Variants in PCDH7 observed in about 807,000 individuals in gnomAD.
The protein encoded by PCDH7 is protocadherin 7.
In PCDH7, 17 loss-of-function variants were observed where a neutral mutation model predicts 58.9. The observed-to-expected ratio is 0.29, with a 90% CI of 0.20 to 0.43. The LOEUF is 0.43. Ranked by LOEUF, PCDH7 falls within the 20% of genes least tolerant of loss-of-function variation. The probability of loss-of-function intolerance (pLI) is 1.00; values close to 1 mark genes in which losing one functional copy is unlikely to be tolerated. For synonymous variants in PCDH7, 664 were observed against 616.4 expected, an observed-to-expected ratio of 1.08 and a Z score of -1.14; for missense variants, 1,274 against 1,441.0, an observed-to-expected ratio of 0.88 and a Z score of 1.88.
At chr4:31,044,961 G>A (rs1026678125) in intron 3 of PCDH7, among the ~76,000 whole-genome samples, 1 of 151,944 alleles carries the variant, frequency 6.6e-6, no homozygotes, top group Non-Finnish European at 1.5e-5. Context: ...AAGCTATCAA[G>A]TTTTGGAGAG....
chr4:31,034,750 C>A (rs1225546835), intron 3 of PCDH7, among the ~76,000 whole-genome samples: 1 of 152,132 alleles, frequency 6.6e-6, no homozygotes, highest in African/African-American at 2.4e-5. Context: ...ACCCAGAGGG[C>A]AGGGAGCATA....
At chr4:30,788,432 C>A (rs1056085361) in intron 1 of PCDH7, among the ~76,000 whole-genome samples, 3 of 151,822 alleles carry the variant, frequency 2.0e-5, no homozygotes, top group African/African-American at 7.3e-5. Flanking sequence ...GCAGTTAGTA[C>A]CCTATCTGTA....
Position 30,938,481 on chromosome 4 carries a change from TACACACAC to T in PCDH7, c.288-11622_288-11615del, listed in dbSNP as rs35485597. The stretch of plus-strand genomic sequence containing the variant: ...TGGCACTGCTCACTGGGGAAAAACA[TACACACAC>T]ACACACACACACACACGCACACACT... On this transcript the variant is annotated intron_variant, in intron 2 of 3. Transcript: ENST00000509759. Among the ~76,000 whole-genome samples the T allele has an allele frequency of 2.0e-5, 3 of 148,728 alleles. No individual in the cohort carries two copies. In the East Asian group the frequency reaches 6.0e-4, roughly 30 times the overall value.
rs186170544 is a variant in PCDH7 at position 31,007,056 on chromosome 4, C to A, written c.*7+56841C>A. Among the ~76,000 whole-genome samples the A allele has an allele frequency of 2.6e-5, 4 of 152,160 alleles. No individual in the cohort carries two copies. The East Asian group carries it at 7.7e-4, about 29-fold the overall frequency. On this transcript the variant is annotated intron_variant, in intron 3 of 3. Coordinates refer to the PCDH7 transcript ENST00000509759. Reference sequence around the variant, plus strand: ...ATTACCAGGAATAAGTTTAGGGAAGCCTGAAATACTTGCTTGGAAGTGAGG... The same window carrying A: ...ATTACCAGGAATAAGTTTAGGGAAGACTGAAATACTTGCTTGGAAGTGAGG...
intron 3 of PCDH7, among the ~76,000 whole-genome samples, chr4:31,063,538 T>C (rs750505471): frequency 5.3e-5 from 8 of 151,768 alleles, no homozygotes; most frequent in Non-Finnish European, 1.0e-4. Flanking sequence ...ATGGGAAATG[T>C]ATTATTTTCC....
At chr4:30,981,050 G>T (rs1474002502) in intron 3 of PCDH7, among the ~76,000 whole-genome samples, 1 of 152,142 alleles carries the variant, frequency 6.6e-6, no homozygotes, top group Admixed American at 6.5e-5. Context: ...CACCATGTTG[G>T]CCAGGCTGGT....
At chr4:31,005,537 G>A (rs1752699745) in intron 3 of PCDH7, among the ~76,000 whole-genome samples, 1 of 152,174 alleles carries the variant, frequency 6.6e-6, no homozygotes, top group Non-Finnish European at 1.5e-5. Context: ...GTAATGATTT[G>A]CCAATGTGTT....
At chr4:31,096,197 C>T (rs1171976716) in intron 3 of PCDH7, among the ~76,000 whole-genome samples, 1 of 152,084 alleles carries the variant, frequency 6.6e-6, no homozygotes, top group Non-Finnish European at 1.5e-5. Context: ...TCTCCTGTTA[C>T]GAGAAATTTG....
chr4:30,828,709 A>T (rs76133378), intron 1 of PCDH7, among the ~76,000 whole-genome samples: 1 of 152,162 alleles, frequency 6.6e-6, no homozygotes, highest in East Asian at 1.9e-4. Flanking sequence ...AGAATTGCTC[A>T]CTTTTCTCTA....
chr4:30,730,909 T>C (rs1715399091), exon 2 of PCDH7: 15 of 1,366,902 alleles, frequency 1.1e-5, no homozygotes, highest in African/African-American at 1.5e-5. Context: ...TTCCACTTGT[T>C]GTACATTTTA....
At chr4:30,879,908 G>A (rs1736752017) in intron 1 of PCDH7, among the ~76,000 whole-genome samples, 1 of 152,004 alleles carries the variant, frequency 6.6e-6, no homozygotes, top group African/African-American at 2.4e-5. Flanking sequence ...ATAAAAGATA[G>A]AAGCCTTTTC....
At chr4:30,802,955 A>T (rs535938673) in intron 1 of PCDH7, among the ~76,000 whole-genome samples, 3 of 152,210 alleles carry the variant, frequency 2.0e-5, no homozygotes, top group East Asian at 3.9e-4. Flanking sequence ...TGGTAATGGG[A>T]TTGGCAAGGC....
At chr4:31,093,133 T>G (rs1000968230) in intron 3 of PCDH7, among the ~76,000 whole-genome samples, 1 of 152,110 alleles carries the variant, frequency 6.6e-6, no homozygotes, top group Non-Finnish European at 1.5e-5. Context: ...TATCCTTATT[T>G]CCCTCAGATA....
downstream of PCDH7, among the ~76,000 whole-genome samples, chr4:30,737,491 G>T (rs773002168): frequency 2.6e-5 from 4 of 152,076 alleles, no homozygotes; most frequent in Non-Finnish European, 4.4e-5. Flanking sequence ...CTCCAGCCTG[G>T]GTGACAGAGG....
At chr4:31,020,884 T>A (rs1489572456) in intron 3 of PCDH7, among the ~76,000 whole-genome samples, 1 of 152,204 alleles carries the variant, frequency 6.6e-6, no homozygotes, top group Admixed American at 6.5e-5. Flanking sequence ...ACCCACTGAT[T>A]GTGTGTAAAG....
intron 3 of PCDH7, among the ~76,000 whole-genome samples, chr4:31,099,918 T>A (rs1443001375): frequency 1.3e-5 from 2 of 151,918 alleles, no homozygotes; most frequent in East Asian, 3.9e-4. Context: ...GATCTTTACA[T>A]TAAAAGCATT....
At chr4:30,980,062 G>A (rs1382417487) in intron 3 of PCDH7, among the ~76,000 whole-genome samples, 1 of 152,134 alleles carries the variant, frequency 6.6e-6, no homozygotes, top group Non-Finnish European at 1.5e-5. Context: ...TGTTAGACTA[G>A]CAACGTTAAC....
At chr4:31,120,215 C>T (rs767350568) in intron 3 of PCDH7, among the ~76,000 whole-genome samples, 1 of 151,910 alleles carries the variant, frequency 6.6e-6, no homozygotes, top group Non-Finnish European at 1.5e-5. Flanking sequence ...TTTTTCCTTC[C>T]TGTTTTTTCT....
At chr4:31,129,263 A>G (rs1158703144) in intron 3 of PCDH7, among the ~76,000 whole-genome samples, 1 of 152,192 alleles carries the variant, frequency 6.6e-6, no homozygotes, top group East Asian at 1.9e-4. Context: ...CATAGGATGA[A>G]GACCAAACTG....
Sources: allele counts gnomAD v4.1 joint callset (sites outside exome capture counted in the v4.1 genomes callset), GRCh38; gene constraint gnomAD v4.1.1; transcripts MANE v1.5; gene names NCBI Gene and HGNC (gene_info 2026-07-23, HGNC 2026-07-21).